Variants in NOL4 observed in about 807,000 individuals in gnomAD.
NOL4 encodes the protein cancer/testis antigen 125.
A neutral mutation model predicts 75.9 loss-of-function variants in NOL4; 17 were observed. The observed-to-expected ratio is 0.22, with a 90% CI of 0.15 to 0.34. NOL4 has a LOEUF of 0.34. Among genes scored for constraint, NOL4 ranks in the 10% least tolerant of loss-of-function variants. The probability of loss-of-function intolerance (pLI) is 1.00; values close to 1 mark genes in which losing one functional copy is unlikely to be tolerated. For synonymous variants in NOL4, 292 were observed against 289.9 expected (o/e 1.01, Z -0.07); for missense variants, 614 against 793.5 (o/e 0.77, Z 2.72).
chr18:34,075,488 G>A (rs1262147833), intron 5 of NOL4, among the ~76,000 whole-genome samples: 1 of 152,066 alleles, frequency 6.6e-6, no homozygotes, highest in East Asian at 1.9e-4. Flanking sequence ...TGTCACATGA[G>A]GTCAGGTTTG....
intron 9 of NOL4, among the ~76,000 whole-genome samples, chr18:33,933,637 G>A (rs1050248504): frequency 3.9e-5 from 6 of 152,034 alleles, no homozygotes; most frequent in Non-Finnish European, 5.9e-5. Context: ...CCACTTTTAC[G>A]CTCAGCTATA....
intron 9 of NOL4, among the ~76,000 whole-genome samples, chr18:33,899,919 T>A (rs1349898747): frequency 6.6e-6 from 1 of 152,114 alleles, no homozygotes; most frequent in Non-Finnish European, 1.5e-5. Context: ...TTACAGCTGT[T>A]ACATATTATG....
intron 9 of NOL4, among the ~76,000 whole-genome samples, chr18:33,938,393 C>G (rs1258459917): frequency 1.3e-5 from 2 of 152,006 alleles, no homozygotes; most frequent in Non-Finnish European, 2.9e-5. Context: ...ATATTTTTCC[C>G]ACCAACCGTG....
At chr18:34,025,664 C>T (rs1012382146) in intron 5 of NOL4, among the ~76,000 whole-genome samples, 1 of 152,138 alleles carries the variant, frequency 6.6e-6, no homozygotes, top group Non-Finnish European at 1.5e-5. Flanking sequence ...AATTCCCTCA[C>T]AGAAAAATGT....
intron 6 of NOL4, among the ~76,000 whole-genome samples, chr18:33,963,644 C>A (rs936696889): frequency 1.3e-5 from 2 of 152,186 alleles, no homozygotes; most frequent in African/African-American, 4.8e-5. Context: ...CCTCAAAACA[C>A]AGGTGTTGGC....
At chr18:34,195,757 A>G (rs2035282881) in intron 1 of NOL4, among the ~76,000 whole-genome samples, 1 of 152,112 alleles carries the variant, frequency 6.6e-6, no homozygotes, top group Non-Finnish European at 1.5e-5. Flanking sequence ...TTTATTTTCC[A>G]TTGCAATGAT....
chr18:33,871,038 A>G (rs972895259), intron 10 of NOL4, among the ~76,000 whole-genome samples: 1 of 152,098 alleles, frequency 6.6e-6, no homozygotes, highest in African/African-American at 2.4e-5. Flanking sequence ...ATTCAAATGT[A>G]TCTACTTCCA....
chr18:34,068,928 TAAAC>T (rs1041704605), intron 5 of NOL4, among the ~76,000 whole-genome samples: 15 of 152,006 alleles, frequency 9.9e-5, no homozygotes, highest in Admixed American at 2.6e-4. Context: ...ATCTGGGAAA[TAAAC>T]AAAAACAATA....
At chr18:34,049,067 GGC>G (rs536359117) in intron 5 of NOL4, among the ~76,000 whole-genome samples, 21,263 of 127,230 alleles carry the variant, frequency 0.17, 2,164 homozygotes, top group East Asian at 0.31. Context: ...GTTAGATACA[GGC>G]GCGCGCACAC....
At chr18:34,081,335 T>G (rs1201028012) in intron 5 of NOL4, among the ~76,000 whole-genome samples, 2 of 152,182 alleles carry the variant, frequency 1.3e-5, no homozygotes, top group African/African-American at 4.8e-5. Flanking sequence ...ATTTGATAAG[T>G]CTACTTAACT....
chr18:34,182,946 G>T (rs951590638), intron 1 of NOL4, among the ~76,000 whole-genome samples: 3 of 151,586 alleles, frequency 2.0e-5, no homozygotes, highest in Non-Finnish European at 4.4e-5. Flanking sequence ...TAAAACTACA[G>T]AATATTTTAG....
At chr18:33,923,392 T>C (rs2067149853) in intron 9 of NOL4, among the ~76,000 whole-genome samples, 1 of 151,962 alleles carries the variant, frequency 6.6e-6, no homozygotes, top group Non-Finnish European at 1.5e-5. Context: ...TAGAATTTTT[T>C]TTGCTATTTT....
chr18:34,064,635 C>A (rs1568295679), intron 5 of NOL4, among the ~76,000 whole-genome samples: 2 of 151,830 alleles, frequency 1.3e-5, no homozygotes, highest in South Asian at 2.1e-4. Context: ...ATGAAAACTA[C>A]CCTTTGAAAT....
intron 9 of NOL4, among the ~76,000 whole-genome samples, chr18:33,908,653 T>C (rs189035945): frequency 2.0e-5 from 3 of 152,300 alleles, no homozygotes; most frequent in African/African-American, 7.2e-5. Context: ...ATATCAATTA[T>C]GAAATAGTCA....
intron 1 of NOL4, among the ~76,000 whole-genome samples, chr18:34,222,733 G>GAAA (rs1220333318): frequency 1.3e-5 from 2 of 152,222 alleles, no homozygotes; most frequent in Admixed American, 1.3e-4. Flanking sequence ...CAGCCGGTCC[G>GAAA]GGAACCCGAG....
chr18:33,885,934 G>T (rs1766759332), intron 9 of NOL4, among the ~76,000 whole-genome samples: 1 of 152,084 alleles, frequency 6.6e-6, no homozygotes, highest in African/African-American at 2.4e-5. Flanking sequence ...TCCATCAAAG[G>T]ATGAATGAAT....
chr18:34,122,600 C>A (rs1230793112), intron 2 of NOL4, among the ~76,000 whole-genome samples: 1 of 152,030 alleles, frequency 6.6e-6, no homozygotes, highest in Non-Finnish European at 1.5e-5. Flanking sequence ...AACAACCCTA[C>A]AAAATAATAA....
chr18:33,874,620 T>G (rs2063846793), intron 10 of NOL4, among the ~76,000 whole-genome samples: 1 of 151,868 alleles, frequency 6.6e-6, no homozygotes, highest in African/African-American at 2.4e-5. Context: ...TGGCAATAAG[T>G]AGAGTCACTA....
At chr18:34,013,677 A>C (rs897815244) in intron 6 of NOL4, among the ~76,000 whole-genome samples, 7 of 152,000 alleles carry the variant, frequency 4.6e-5, no homozygotes, top group African/African-American at 1.7e-4. Flanking sequence ...ATGAGAATTA[A>C]CTCAGGAACC....
Sources: gnomAD v4.1 joint callset for allele counts (sites outside exome capture counted in the v4.1 genomes callset) on GRCh38, gnomAD v4.1.1 for gene constraint, MANE v1.5 for transcripts, NCBI Gene and HGNC (gene_info 2026-07-23, HGNC 2026-07-21) for gene names.